Variants in RUFY1 observed in about 807,000 individuals in gnomAD.
RUFY1 encodes RUN and FYVE domain-containing protein 1.
In RUFY1, 54 loss-of-function variants were observed where a neutral mutation model predicts 94.6. That is an observed-to-expected ratio of 0.57 (90% CI 0.46 to 0.72). The LOEUF is 0.72. Ranked by LOEUF, RUFY1 falls within the 30% of genes least tolerant of loss-of-function variation. The pLI is 0.00. For synonymous variants in RUFY1, 396 were observed against 347.3 expected, an observed-to-expected ratio of 1.14 and a Z score of -1.56; for missense variants, 883 against 883.9, an observed-to-expected ratio of 1.00 and a Z score of 0.01.
chr5:179,577,754 A>C (rs1763757705), intron 6 of RUFY1, among the ~76,000 whole-genome samples: 2 of 151,086 alleles, frequency 1.3e-5, no homozygotes, highest in Non-Finnish European at 2.9e-5. Flanking sequence ...TTTCACACTC[A>C]CCGGTGGTCG....
intron 17 of RUFY1, 109 bp from the exon 18 acceptor site, chr5:179,609,267 A>AT (rs1370154771): frequency 3.5e-6 from 4 of 1,134,924 alleles, no homozygotes; most frequent in Admixed American, 2.1e-5. Flanking sequence ...CCACAGAAAC[A>AT]TAAGAACCCA....
rs181606940 is a variant in RUFY1 at position 179,568,173 on chromosome 5, A to T, written c.704+611A>T. The stretch of plus-strand genomic sequence containing the variant: ...GCAGGAGGATTGCTTGAACCCAGGA[A>T]AGCAGAGGTTGCAGTGAGCCAAGAT... On this transcript the variant is annotated intron_variant, in intron 4 of 17. Coordinates refer to ENST00000319449, the MANE Select transcript of RUFY1 (RefSeq NM_025158.5). 4.6e-3 allele frequency among the ~76,000 whole-genome samples: 693 copies of T among 152,138 alleles called. 5 individuals are homozygous for T. Among genetic ancestry groups the T allele is most frequent in the African/African-American group, 0.015 (642 of 41,486 alleles).
intron 13 of RUFY1, among the ~76,000 whole-genome samples, chr5:179,597,247 T>C (rs1562086541): frequency 6.6e-6 from 1 of 151,942 alleles, no homozygotes; most frequent in Non-Finnish European, 1.5e-5. Flanking sequence ...TGTTTTGTTT[T>C]TTTTTTGAGA....
chr5:179,606,230 A>G (rs1562120537), intron 16 of RUFY1: 2 of 442,968 alleles, frequency 4.5e-6, no homozygotes, highest in South Asian at 4.9e-5. Context: ...GGACCCGCGG[A>G]TATCTTTAAA....
At chr5:179,552,109 G>T (rs1161298956) in intron 1 of RUFY1, among the ~76,000 whole-genome samples, 1 of 135,976 alleles carries the variant, frequency 7.4e-6, no homozygotes, top group African/African-American at 2.7e-5. Context: ...AGGTTGCAGT[G>T]AGCCGAGATC....
intron 5 of RUFY1, 136 bp from the exon 6 acceptor site, chr5:179,576,939 C>A: frequency 1.7e-6 from 1 of 605,846 alleles, no homozygotes. Flanking sequence ...CAATTGATTT[C>A]CACTTCATAG....
In RUFY1 at chr5:179,609,377, A is replaced by G; in HGVS notation, c.1985A>G (p.His662Arg). ...EKEFSISRRK[H>R]HCRNCGHIFC... ...GACCGCCTTCTTCCCGTCCTGTAGC[A>G]CCACTGCCGGAACTGTGGCCACATC... Residue 662 changes from histidine to arginine, a missense_variant and splice_region_variant, in exon 18 of 18, where the codon CAC becomes CGC. His to Arg is a conservative substitution (Grantham distance 29, BLOSUM62 0). Transcript: ENST00000319449. 4 of 1,613,052 alleles carry G rather than the reference A, an allele frequency of 2.5e-6. No individual in the cohort carries two copies. Among genetic ancestry groups the G allele is most frequent in the Non-Finnish European group, 3.4e-6 (4 of 1,179,788 alleles).
chr5:179,559,885 C>G (rs1762307074), intron 1 of RUFY1, 140 bp from the exon 2 acceptor site: 1 of 1,428,294 alleles, frequency 7.0e-7, no homozygotes, highest in Non-Finnish European at 9.1e-7. Flanking sequence ...CTGCGAATCC[C>G]GGTTGCCCGC....
chr5:179,581,137 A>G, intron 7 of RUFY1, 125 bp downstream of exon 7: 1 of 628,102 alleles, frequency 1.6e-6, no homozygotes, highest in Non-Finnish European at 2.9e-6. Flanking sequence ...AAGGGTCATC[A>G]TTCAGGCAAC....
chr5:179,563,744 T>A (rs187163698), intron 3 of RUFY1, among the ~76,000 whole-genome samples: 5 of 152,136 alleles, frequency 3.3e-5, no homozygotes, highest in African/African-American at 1.2e-4. Flanking sequence ...CAATCTCAGC[T>A]CTCTGCAACC....
chr5:179,598,904 G>A (rs961057057), intron 14 of RUFY1, 83 bp downstream of exon 14: 11 of 1,509,144 alleles, frequency 7.3e-6, no homozygotes, highest in Middle Eastern at 2.1e-4. Context: ...TCCTCTCCCC[G>A]CACCCTTTGT....
chr5:179,600,798 G>C (rs1664176290), intron 14 of RUFY1, among the ~76,000 whole-genome samples: 1 of 142,778 alleles, frequency 7.0e-6, no homozygotes, highest in Admixed American at 7.5e-5. Flanking sequence ...CCCAGTTCAA[G>C]CGATTCTCCT....
chr5:179,596,751 G>A (rs1046484995), intron 13 of RUFY1, 70 bp downstream of exon 13: 11 of 1,107,802 alleles, frequency 9.9e-6, no homozygotes, highest in Non-Finnish European at 1.2e-5. Context: ...GGGGACAGGT[G>A]GTATCCTGCT....
intron 16 of RUFY1, 97 bp from the exon 17 acceptor site, chr5:179,607,485 G>C: frequency 1.1e-6 from 1 of 943,784 alleles, no homozygotes; most frequent in Non-Finnish European, 1.7e-6. Flanking sequence ...CTAGGAAACA[G>C]GTGCTATGAG....
intron 5 of RUFY1, chr5:179,572,191 C>T: frequency 3.3e-6 from 1 of 306,896 alleles, no homozygotes; most frequent in Non-Finnish European, 6.7e-6. Flanking sequence ...GAAAGCCAGC[C>T]CCTGACTTCA....
intron 5 of RUFY1, among the ~76,000 whole-genome samples, chr5:179,570,699 C>T (rs1273549648): frequency 6.6e-6 from 1 of 152,112 alleles, no homozygotes; most frequent in Non-Finnish European, 1.5e-5. Flanking sequence ...CAGCCTTTTT[C>T]CTGCATTGTG....
At chr5:179,601,394 C>T (rs1210944764) in intron 14 of RUFY1, among the ~76,000 whole-genome samples, 1 of 152,026 alleles carries the variant, frequency 6.6e-6, no homozygotes, top group African/African-American at 2.4e-5. Context: ...GCCTCAAACT[C>T]CTGACCTCAG....
intron 10 of RUFY1, among the ~76,000 whole-genome samples, chr5:179,592,594 C>T (rs1368065378): frequency 6.6e-6 from 1 of 152,176 alleles, no homozygotes; most frequent in African/African-American, 2.4e-5. Context: ...ACCAGATTAA[C>T]GGTTTCTTTG....
chr5:179,591,420 G>C (rs1411687781), intron 9 of RUFY1, among the ~76,000 whole-genome samples: 8 of 148,266 alleles, frequency 5.4e-5, no homozygotes, highest in Non-Finnish European at 1.2e-4. Context: ...GCCTGACCTC[G>C]TGATCCGCCC....
Sources: allele counts gnomAD v4.1 joint callset (sites outside exome capture counted in the v4.1 genomes callset), GRCh38; gene constraint gnomAD v4.1.1; transcripts MANE v1.5; gene names NCBI Gene and HGNC (gene_info 2026-07-23, HGNC 2026-07-21).